Variants in DNAH12 observed in about 807,000 individuals in gnomAD.
DNAH12 encodes the protein axonemal beta dynein heavy chain 12.
Under a neutral mutation model 371.5 loss-of-function variants are expected in DNAH12, and 285 were observed. The ratio of observed to expected loss-of-function variants is 0.77; its 90% CI spans 0.70 to 0.85. The LOEUF (loss-of-function observed/expected upper bound fraction) is 0.85. Ranked by LOEUF, DNAH12 falls within the 40% of genes least tolerant of loss-of-function variation. The pLI, the probability that DNAH12 is intolerant of heterozygous loss-of-function variation, is 0.00. For missense variants in DNAH12, 3,611 were observed against 3,689.4 expected, an observed-to-expected ratio of 0.98 and a Z score of 0.55; for synonymous variants, 1,200 against 1,213.0, an observed-to-expected ratio of 0.99 and a Z score of 0.22.
chr3:57,505,006 G>A lies in DNAH12; in HGVS notation c.898-802C>T, dbSNP rs141235987. Among the ~76,000 whole-genome samples the A allele has an allele frequency of 2.1e-3, 326 of 152,142 alleles. 1 individual carries two copies. Among genetic ancestry groups the A allele is most frequent in the African/African-American group, 7.6e-3 (316 of 41,502 alleles). On this transcript the variant is annotated intron_variant, in intron 8 of 73. Coordinates refer to ENST00000495027, the MANE Select transcript of DNAH12 (RefSeq NM_001366028.2). ...GGGCTCAGGCCATCCTCCCACCTCA[G>A]CCTCCTGAGTAGCTGGAACTACATT... is the stretch of plus-strand genomic sequence containing the variant.
intron 45 of DNAH12, among the ~76,000 whole-genome samples, chr3:57,387,583 TCTTC>T (rs1441738730): frequency 6.6e-6 from 1 of 152,100 alleles, no homozygotes; most frequent in Non-Finnish European, 1.5e-5. Flanking sequence ...ACTAGCCCCT[TCTTC>T]CTTAGGACTC....
At chr3:57,551,338 C>A in the DNAH12 span, among the ~76,000 whole-genome samples, 1 of 151,924 alleles carries the variant, frequency 6.6e-6, no homozygotes, top group Non-Finnish European at 1.5e-5. Context: ...GTGGCGCGAT[C>A]TCGGCTCACT....
At chr3:57,422,382 C>A (rs996046362) in intron 35 of DNAH12, among the ~76,000 whole-genome samples, 1 of 152,036 alleles carries the variant, frequency 6.6e-6, no homozygotes, top group Non-Finnish European at 1.5e-5. Context: ...CGCCCACCAC[C>A]ACGGGGTTTC....
Position 57,437,051 on chromosome 3 carries a change from C to A in DNAH12, c.4555G>T (p.Glu1519Ter). ...ACATTGCAGGCTTCATGAGCACATT[C>A]CAAAAATTCCTGAAATAAAAAAAAG... The part of the protein sequence containing the change: ...LPEADYHEFL[E>*]CAHEACNVHN... The change falls in exon 30 of 74, where the codon GAA (glutamate) becomes TAA (stop). Residue 1519 changes from glutamate (E) to a stop codon, truncating the protein, a stop_gained. Transcript: ENST00000495027. LOFTEE classifies it high-confidence loss of function. 6.6e-7 allele frequency: 1 copy of A among 1,516,326 alleles called. No individual in the cohort carries two copies. The highest frequency in any genetic ancestry group is 8.8e-7 in the Non-Finnish European group (1 of 1,136,820). 93.9% of individuals were successfully genotyped at this position (1,516,326 alleles called of 1,614,324 possible). A position where few individuals can be genotyped will look rare whatever the true frequency, so the allele number is the denominator to read the frequency against.
chr3:57,361,649 A>G (rs1247580411), intron 58 of DNAH12, among the ~76,000 whole-genome samples: 1 of 151,744 alleles, frequency 6.6e-6, no homozygotes, highest in Non-Finnish European at 1.5e-5. Context: ...CTAATTGTTC[A>G]ATCAACTAGC....
At chr3:57,323,430 A>C in intron 63 of DNAH12, 39 bp downstream of exon 63, 1 of 1,497,642 alleles carries the variant, frequency 6.7e-7, no homozygotes, top group Non-Finnish European at 8.9e-7. Context: ...AAGATGTTTT[A>C]TTTATGATTT....
chr3:57,489,814 A>C, intron 11 of DNAH12, 127 bp from the exon 12 acceptor site: 1 of 990,926 alleles, frequency 1.0e-6, no homozygotes, highest in Non-Finnish European at 1.4e-6. Context: ...AAGTGACTAA[A>C]ATTTTTTCCC....
chr3:57,533,003 C>A (rs1293676605), intron 2 of DNAH12, among the ~76,000 whole-genome samples: 1 of 152,272 alleles, frequency 6.6e-6, no homozygotes, highest in East Asian at 1.9e-4. Flanking sequence ...TAGAAATCTA[C>A]CTGGTGTCTT....
At chr3:57,303,404 TTTTC>T (rs909949369) in intron 69 of DNAH12, among the ~76,000 whole-genome samples, 2 of 149,416 alleles carry the variant, frequency 1.3e-5, no homozygotes, top group African/African-American at 2.5e-5. Context: ...TTTTTCTTTC[TTTTC>T]TTTTTCTTTT....
At chr3:57,431,556 C>T (rs1021978789) in intron 32 of DNAH12, among the ~76,000 whole-genome samples, 3 of 152,228 alleles carry the variant, frequency 2.0e-5, no homozygotes, top group Non-Finnish European at 4.4e-5. Context: ...AATATTTTCA[C>T]ATCCCTGATG....
chr3:57,512,388 G>C (rs1269616448), intron 4 of DNAH12: 1 of 152,198 alleles, frequency 6.6e-6, no homozygotes, highest in East Asian at 1.9e-4. Context: ...TAGAGTTTCA[G>C]TTTTGAAGAT....
intron 58 of DNAH12, among the ~76,000 whole-genome samples, chr3:57,361,422 TATATATATATAC>T (rs2062927489): frequency 7.6e-6 from 1 of 131,696 alleles, no homozygotes; most frequent in Non-Finnish European, 1.5e-5. Context: ...ACACACACAC[TATATATATATAC>T]ACACACACAC....
At chr3:57,335,869 A>G (rs1553653498) in intron 60 of DNAH12, among the ~76,000 whole-genome samples, 1 of 152,206 alleles carries the variant, frequency 6.6e-6, no homozygotes. Context: ...TGCCAACCAG[A>G]GTTGAGTCTT....
chr3:57,296,200 C>T, intron 72 of DNAH12, 144 bp downstream of exon 72: 1 of 519,604 alleles, frequency 1.9e-6, no homozygotes. Context: ...ATCAGTTGCC[C>T]CAGCTTGACT....
intron 2 of DNAH12, among the ~76,000 whole-genome samples, chr3:57,528,329 A>G (rs991639797): frequency 1.3e-5 from 2 of 151,496 alleles, no homozygotes; most frequent in South Asian, 4.2e-4. Flanking sequence ...CACCCGGCCT[A>G]GGATTGTTTT....
At position 57,333,503 on chromosome 3, in the gene DNAH12, G is replaced by C. The variant is rs145389274; in HGVS notation, c.9978+962C>G. ...GCACCACCATGCCTGGCTAATTTTT[G>C]TATTTTTAGTAGTGACAGGGTTTCA... is the stretch of plus-strand genomic sequence containing the variant. On this transcript the variant is annotated intron_variant, in intron 62 of 73. Transcript: ENST00000495027. Among the ~76,000 whole-genome samples the C allele has an allele frequency of 2.9e-3, 435 of 151,800 alleles. 2 individuals carry two copies. The highest frequency in any genetic ancestry group is 9.9e-3 in the African/African-American group (411 of 41,314).
chr3:57,298,176 T>C (rs1250010121), intron 70 of DNAH12, among the ~76,000 whole-genome samples: 1 of 152,214 alleles, frequency 6.6e-6, no homozygotes, highest in Non-Finnish European at 1.5e-5. Context: ...CCTCTGGTGG[T>C]AGAACTCCAC....
At chr3:57,388,456 AT>A (rs1179263985) in intron 45 of DNAH12, among the ~76,000 whole-genome samples, 2,327 of 146,666 alleles carry the variant, frequency 0.016, 51 homozygotes, top group African/African-American at 0.051. Context: ...TTTTAAGACC[AT>A]TTTTTTTTTG....
At chr3:57,344,901 A>G (rs2062500094) in intron 60 of DNAH12, among the ~76,000 whole-genome samples, 1 of 152,032 alleles carries the variant, frequency 6.6e-6, no homozygotes, top group Non-Finnish European at 1.5e-5. Context: ...ATTATTGTTG[A>G]CTCTTGAACA....
Sources: gnomAD v4.1 joint callset for allele counts (sites outside exome capture counted in the v4.1 genomes callset) on GRCh38, gnomAD v4.1.1 for gene constraint, MANE v1.5 for transcripts, NCBI Gene and HGNC (gene_info 2026-07-23, HGNC 2026-07-21) for gene names.